The following CASP4 variants were observed in gnomAD, a reference collection of about 807,000 sequenced individuals.
CASP4 encodes caspase 4.
CASP4 carries 29 observed loss-of-function variants against 41.3 expected under a neutral mutation model. The observed-to-expected ratio is 0.70, with a 90% confidence interval of 0.52 to 0.96. The LOEUF is 0.96. Among genes scored for constraint, CASP4 ranks in the 40% least tolerant of loss-of-function variants. The pLI, the probability that CASP4 is intolerant of heterozygous loss-of-function variation, is 0.00. For missense variants in CASP4, 447 were observed against 460.6 expected (o/e 0.97, Z 0.27); for synonymous variants, 185 against 158.4 (o/e 1.17, Z -1.26).
chr11:104,966,580 C>A (rs1343486954), intron 1 of CASP4, among the ~76,000 whole-genome samples: 1 of 152,056 alleles, frequency 6.6e-6, no homozygotes, highest in African/African-American at 2.4e-5. Context: ...AGGAATTTGT[C>A]CCCTGGAAAA....
chr11:104,964,026 A>C (rs1860919061), intron 1 of CASP4, among the ~76,000 whole-genome samples: 1 of 152,186 alleles, frequency 6.6e-6, no homozygotes, highest in African/African-American at 2.4e-5. Context: ...TATTTATATA[A>C]ACTTCTATAA....
intron 1 of CASP4, among the ~76,000 whole-genome samples, chr11:104,955,819 C>G (rs1263300988): frequency 6.6e-6 from 1 of 152,028 alleles, no homozygotes; most frequent in Non-Finnish European, 1.5e-5. Context: ...CACAGAAATG[C>G]TGGATATCTT....
rs376906616 is a variant in CASP4 at position 104,949,764 on chromosome 11, G to A, written c.560C>T (p.Ala187Val). The A allele has an allele frequency of 1.1e-4, 173 of 1,613,562 alleles. No homozygotes were observed. Among genetic ancestry groups the A allele is most frequent in the South Asian group, 9.9e-5 (9 of 91,084 alleles). ...TGGTCTGGTAGCAAATGCCCTCAGC[G>A]CTGACTCCATATCCTGTAAAAGAGC... is the stretch of plus-strand genomic sequence containing the variant. ...ENLTARDMES[A>V]LRAFATRPEH... The change falls in exon 5 of 9, where the codon GCG becomes GTG. Residue 187 changes from alanine (A) to valine (V), a missense_variant. Physicochemically the swap from Ala to Val is moderately conservative, Grantham distance 64 (BLOSUM62 0). Coordinates refer to ENST00000444739, the MANE Select transcript of CASP4 (RefSeq NM_001225.4).
chr11:104,955,134 A>G (rs1565367250), intron 1 of CASP4, 133 bp from the exon 2 acceptor site: 4 of 845,780 alleles, frequency 4.7e-6, no homozygotes, highest in Non-Finnish European at 7.2e-6. Context: ...TCTTGTACCT[A>G]TAGAGTTCTG....
At chr11:104,951,147 C>T in intron 3 of CASP4, 49 bp from the exon 4 acceptor site, 2 of 1,556,180 alleles carry the variant, frequency 1.3e-6, no homozygotes, top group East Asian at 2.2e-5. Context: ...AGTCTCCTTT[C>T]AGCCTCCTTA....
intron 1 of CASP4, chr11:104,956,717 G>A (rs2134648996): frequency 1.2e-6 from 1 of 831,826 alleles, no homozygotes; most frequent in African/African-American, 1.8e-5. Flanking sequence ...TAGCAAAAAT[G>A]TTAGTCTTGC....
chr11:104,962,042 T>C (rs866749941), intron 1 of CASP4, among the ~76,000 whole-genome samples: 2 of 152,206 alleles, frequency 1.3e-5, no homozygotes, highest in African/African-American at 2.4e-5. Context: ...ACGAGGTGAC[T>C]AGTGTCTGTT....
Position 104,961,524 on chromosome 11 carries a change from A to G in CASP4, c.8-6523T>C, listed in dbSNP as rs55842445. The stretch of plus-strand genomic sequence containing the variant: ...CCCATTGCAGGGTGTCTGTAGCCCC[A>G]TTGCAGGGTGTCTGTTTGTAGCTCC... On this transcript the variant is annotated intron_variant, in intron 1 of 8. Transcript: ENST00000444739. Among the ~76,000 whole-genome samples the G allele has an allele frequency of 2.8e-3, 421 of 152,188 alleles. 5 individuals are homozygous for G. Among genetic ancestry groups the G allele is most frequent in the African/African-American group, 9.6e-3 (398 of 41,518 alleles).
At chr11:104,952,520 T>A (rs1860640826) in intron 2 of CASP4, among the ~76,000 whole-genome samples, 4 of 152,108 alleles carry the variant, frequency 2.6e-5, no homozygotes, top group Admixed American at 2.6e-4. Flanking sequence ...AAAGTATTAT[T>A]TTAACATGTA....
At chr11:104,956,200 AATGTTAAT>A (rs1279695890) in intron 1 of CASP4, among the ~76,000 whole-genome samples, 5 of 152,128 alleles carry the variant, frequency 3.3e-5, no homozygotes, top group Non-Finnish European at 7.4e-5. Context: ...AGGTTTTACA[AATGTTAAT>A]ATACTGGACC....
intron 1 of CASP4, among the ~76,000 whole-genome samples, chr11:104,968,090 T>G (rs1459827311): frequency 2.0e-5 from 3 of 151,758 alleles, no homozygotes; most frequent in Non-Finnish European, 4.4e-5. Flanking sequence ...AGACCAAGAA[T>G]GTAATTCACA....
chr11:104,962,608 C>T (rs575568452), intron 1 of CASP4, among the ~76,000 whole-genome samples: 1 of 152,284 alleles, frequency 6.6e-6, no homozygotes, highest in African/African-American at 2.4e-5. Flanking sequence ...TGAAATTTCT[C>T]TGTCTTGTTT....
At chr11:104,958,505 A>T (rs1003059177) in intron 1 of CASP4, among the ~76,000 whole-genome samples, 1 of 152,210 alleles carries the variant, frequency 6.6e-6, no homozygotes, top group South Asian at 2.1e-4. Context: ...CATACAGAGA[A>T]TATGTATATG....
intron 2 of CASP4, 67 bp from the exon 3 acceptor site, chr11:104,952,072 A>T: frequency 1.1e-6 from 1 of 936,828 alleles, no homozygotes; most frequent in Non-Finnish European, 1.7e-6. Flanking sequence ...ACCTAAGAAG[A>T]TCGAGAGAGA....
intron 7 of CASP4, 41 bp downstream of exon 7, chr11:104,947,042 T>A: frequency 7.3e-7 from 1 of 1,363,170 alleles, no homozygotes; most frequent in East Asian, 2.3e-5. Flanking sequence ...GACAAATTCT[T>A]CCTGAAGAAA....
At chr11:104,966,050 G>A (rs1351032217) in intron 1 of CASP4, among the ~76,000 whole-genome samples, 2 of 151,986 alleles carry the variant, frequency 1.3e-5, no homozygotes, top group Non-Finnish European at 2.9e-5. Context: ...ATCTTTAAAC[G>A]TTCTTATTTC....
intron 1 of CASP4, among the ~76,000 whole-genome samples, chr11:104,965,810 A>C (rs764627234): frequency 1.3e-4 from 20 of 152,162 alleles, no homozygotes; most frequent in Non-Finnish European, 2.5e-4. Flanking sequence ...TTGTGCTCCC[A>C]GGGATAATAT....
In CASP4 at chr11:104,947,148, T is replaced by A. The variant is rs780907242; in HGVS notation, c.970A>T (p.Thr324Ser). The A allele has an allele frequency of 1.9e-6, 3 of 1,613,162 alleles. No homozygotes were observed. Among genetic ancestry groups the A allele is most frequent in the Non-Finnish European group, 1.7e-6 (2 of 1,179,282 alleles). The change falls in exon 7 of 9, where the codon ACA (threonine) becomes TCA (serine). Residue 324 changes from threonine (T) to serine (S), a missense_variant. By Grantham distance (58) the Thr-to-Ser change is moderately conservative. Coordinates refer to ENST00000444739, the MANE Select transcript of CASP4 (RefSeq NM_001225.4). ...TTCTGGAAGCATGTGATGAGTTGTG[T>A]GATGAAGATAGAGCCCATTGTGCTG... The part of the protein sequence containing the change: ...RDSTMGSIFI[T>S]QLITCFQKYS...
chr11:104,954,994 G>A lies in CASP4; in HGVS notation c.15C>T (p.Asn5=), dbSNP rs1860705100. The A allele has an allele frequency of 2.5e-6, 4 of 1,611,868 alleles. No homozygotes were observed. The highest frequency in any genetic ancestry group is 3.4e-6 in the Non-Finnish European group (4 of 1,179,178). Residue 5 remains asparagine (N), a synonymous_variant, in exon 2 of 9, where the codon AAC becomes AAT. Coordinates refer to ENST00000444739, the MANE Select transcript of CASP4 (RefSeq NM_001225.4). The part of the protein sequence containing the change: MAEG[N]HRKKPLKVLE... ...ACACCTTAAGTGGCTTTTTTCTGTGGTTGCCTTCTGTTAGAAATAGAAAGA... is the reference window on the plus strand; with the variant it reads ...ACACCTTAAGTGGCTTTTTTCTGTGATTGCCTTCTGTTAGAAATAGAAAGA...
Sources: allele counts gnomAD v4.1 joint callset (sites outside exome capture counted in the v4.1 genomes callset), GRCh38; gene constraint gnomAD v4.1.1; transcripts MANE v1.5; gene names NCBI Gene and HGNC (gene_info 2026-07-23, HGNC 2026-07-21).